ANKS1B: variants seen among roughly 807,000 people sequenced by gnomAD.
The protein encoded by ANKS1B is ankyrin repeat and sterile alpha motif domain-containing protein 1B.
Under a neutral mutation model 148.3 loss-of-function variants are expected in ANKS1B, and 36 were observed. That is an observed-to-expected ratio of 0.24 (90% CI 0.19 to 0.32). The LOEUF (loss-of-function observed/expected upper bound fraction) is 0.32. ANKS1B is among the 10% of genes least tolerant of loss of function. The pLI is 1.00. For missense variants in ANKS1B, 1,157 were observed against 1,542.6 expected (o/e 0.75, Z 4.19); for synonymous variants, 542 against 560.8 (o/e 0.97, Z 0.47).
At chr12:98,895,784 G>A (rs1018458979) in intron 17 of ANKS1B, among the ~76,000 whole-genome samples, 3 of 152,138 alleles carry the variant, frequency 2.0e-5, no homozygotes, top group Middle Eastern at 3.4e-3. Flanking sequence ...TTTGGCAAAG[G>A]TTTTGTGTTT....
At chr12:99,105,267 T>C (rs1260290219) in intron 15 of ANKS1B, among the ~76,000 whole-genome samples, 1 of 152,122 alleles carries the variant, frequency 6.6e-6, no homozygotes, top group Admixed American at 6.5e-5. Context: ...CCCAAGGACA[T>C]GCAAAATATC....
chr12:99,777,730 G>A (rs866333893), intron 6 of ANKS1B, among the ~76,000 whole-genome samples: 1 of 151,788 alleles, frequency 6.6e-6, no homozygotes, highest in Non-Finnish European at 1.5e-5. Context: ...GACTACAGGC[G>A]CCCACCACCG....
intron 12 of ANKS1B, among the ~76,000 whole-genome samples, chr12:99,308,064 A>T (rs2082599453): frequency 6.6e-6 from 1 of 152,080 alleles, no homozygotes; most frequent in African/African-American, 2.4e-5. Flanking sequence ...ATAGCAACAA[A>T]TGAATGATTG....
chr12:99,277,737 T>C (rs1052806868), intron 12 of ANKS1B, among the ~76,000 whole-genome samples: 1 of 152,186 alleles, frequency 6.6e-6, no homozygotes, highest in Non-Finnish European at 1.5e-5. Flanking sequence ...AGTCACTAAC[T>C]GGTGCTGAGT....
At chr12:99,960,960 G>A (rs1037614904) in intron 1 of ANKS1B, among the ~76,000 whole-genome samples, 1 of 152,128 alleles carries the variant, frequency 6.6e-6, no homozygotes, top group South Asian at 2.1e-4. Context: ...GGGCATGATG[G>A]CTCACACCTG....
intron 1 of ANKS1B, 75 bp downstream of exon 1, chr12:99,984,029 C>T (rs1414518214): frequency 3.1e-6 from 4 of 1,309,644 alleles, no homozygotes; most frequent in African/African-American, 1.5e-5. Flanking sequence ...GTGCAATAAC[C>T]GTGAGGAGGA....
At chr12:99,323,635 AAAT>A (rs1402217210) in intron 12 of ANKS1B, among the ~76,000 whole-genome samples, 1 of 152,230 alleles carries the variant, frequency 6.6e-6, no homozygotes, top group African/African-American at 2.4e-5. Context: ...CATTTGGACT[AAAT>A]AATCATTTCA....
In ANKS1B at chr12:98,744,053, T is replaced by G; in HGVS notation, c.*1686A>C. 1 of 983,824 alleles carries G rather than the reference T, an allele frequency of 1.0e-6. No homozygotes were observed. The highest frequency in any genetic ancestry group is 1.2e-6 in the Non-Finnish European group (1 of 828,320). 60.9% of individuals were successfully genotyped at this position (983,824 alleles called of 1,614,324 possible). ...TGACAAAAATTACAAAATTTATAAC[T>G]GGAAGCCCAAGCTTATTTACACATA... On this transcript the variant is annotated 3_prime_UTR_variant, in exon 27 of 27. Coordinates refer to ENST00000683438, the MANE Select transcript of ANKS1B (RefSeq NM_001352186.2).
intron 10 of ANKS1B, among the ~76,000 whole-genome samples, chr12:99,468,651 A>G (rs1373350447): frequency 1.3e-5 from 2 of 152,254 alleles, no homozygotes; most frequent in Non-Finnish European, 2.9e-5. Flanking sequence ...ACACTTCTCA[A>G]AAGAACACAT....
chr12:99,949,956 CTTATTTGT>C (rs1272662367), intron 1 of ANKS1B, among the ~76,000 whole-genome samples: 121 of 151,800 alleles, frequency 8.0e-4, no homozygotes, highest in African/African-American at 2.8e-3. Flanking sequence ...ACAAGCCACT[CTTATTTGT>C]TTGTTTGTTT....
intron 10 of ANKS1B, among the ~76,000 whole-genome samples, chr12:99,460,783 TA>T: frequency 6.6e-6 from 1 of 151,988 alleles, no homozygotes; most frequent in Non-Finnish European, 1.5e-5. Context: ...GGAACACTTT[TA>T]CATTGTTGAT....
intron 8 of ANKS1B, among the ~76,000 whole-genome samples, chr12:99,699,337 T>G (rs2054440806): frequency 6.6e-6 from 1 of 152,216 alleles, no homozygotes; most frequent in Non-Finnish European, 1.5e-5. Flanking sequence ...TAACAGTGAT[T>G]CTTTTCATAA....
intron 1 of ANKS1B, among the ~76,000 whole-genome samples, chr12:99,979,041 A>C (rs1325926210): frequency 6.6e-6 from 1 of 152,158 alleles, no homozygotes; most frequent in Non-Finnish European, 1.5e-5. Context: ...AGTTTTGTTT[A>C]GAATAAAAGG....
chr12:99,477,039 C>T (rs1316380587), intron 10 of ANKS1B, among the ~76,000 whole-genome samples: 1 of 152,168 alleles, frequency 6.6e-6, no homozygotes, highest in Non-Finnish European at 1.5e-5. Context: ...CAAAGTGCTC[C>T]ATCAAAATGA....
chr12:98,910,504 T>A (rs1473789259), intron 17 of ANKS1B, among the ~76,000 whole-genome samples: 1 of 152,104 alleles, frequency 6.6e-6, no homozygotes, highest in Non-Finnish European at 1.5e-5. Context: ...TTAGCTTCAA[T>A]GAAAAATACA....
rs188538445 is a variant in ANKS1B, at chr12:99,949,624, A to T, written c.134+34480T>A. Among the ~76,000 whole-genome samples, 16 of 152,280 alleles carry T rather than the reference A, an allele frequency of 1.1e-4. No homozygotes were observed. In the East Asian group the frequency reaches 1.2e-3, roughly 11 times the overall value. ...ACTCTCTTATGTTTACATTACAGTCAACAACAACAACAAAAAAGACAGCCA... is the reference window on the plus strand; with the variant it reads ...ACTCTCTTATGTTTACATTACAGTCTACAACAACAACAAAAAAGACAGCCA... On this transcript the variant is annotated intron_variant, in intron 1 of 26. Coordinates refer to ENST00000683438, the MANE Select transcript of ANKS1B (RefSeq NM_001352186.2).
intron 14 of ANKS1B, among the ~76,000 whole-genome samples, chr12:99,198,576 G>A (rs915492976): frequency 6.6e-6 from 1 of 152,156 alleles, no homozygotes; most frequent in African/African-American, 2.4e-5. Context: ...TTCTACATCA[G>A]TAACTGAACT....
rs76522282 is a variant in ANKS1B at position 99,800,108 on chromosome 12, T to C, written c.669+6296A>G. Among the ~76,000 whole-genome samples, 633 of 152,172 alleles carry C rather than the reference T, an allele frequency of 4.2e-3. 4 individuals are homozygous for C. The highest frequency in any genetic ancestry group is 0.014 in the African/African-American group (594 of 41,514). ...GCCCTAACCTCCAGTGTGACTGTAT[T>C]TGGATATATGGCCTTTCTGGAAGTA... On this transcript the variant is annotated intron_variant, in intron 4 of 26. Coordinates refer to ENST00000683438, the MANE Select transcript of ANKS1B (RefSeq NM_001352186.2).
At chr12:99,568,597 T>C (rs1038704429) in intron 9 of ANKS1B, among the ~76,000 whole-genome samples, 2 of 152,232 alleles carry the variant, frequency 1.3e-5, no homozygotes, top group African/African-American at 4.8e-5. Flanking sequence ...ATGAGTTTGC[T>C]TATAAAGTTT....
Sources: gnomAD v4.1 joint callset for allele counts (sites outside exome capture counted in the v4.1 genomes callset) on GRCh38, gnomAD v4.1.1 for gene constraint, MANE v1.5 for transcripts, NCBI Gene and HGNC (gene_info 2026-07-23, HGNC 2026-07-21) for gene names.